ABCC1: variants seen among roughly 807,000 people sequenced by gnomAD.
The protein encoded by ABCC1 is ATP binding cassette subfamily C member 1 (ABCC1 blood group).
Under a neutral mutation model 172.9 loss-of-function variants are expected in ABCC1, and 83 were observed. That is an observed-to-expected ratio of 0.48 (90% confidence interval 0.40 to 0.58). The LOEUF (loss-of-function observed/expected upper bound fraction) is 0.58. ABCC1 is among the 20% of genes least tolerant of loss of function. The probability of loss-of-function intolerance (pLI) is 0.00; values close to 1 mark genes in which losing one functional copy is unlikely to be tolerated. For synonymous variants in ABCC1, 937 were observed against 825.2 expected, an observed-to-expected ratio of 1.14 and a Z score of -2.32; for missense variants, 1,817 against 2,002.7, an observed-to-expected ratio of 0.91 and a Z score of 1.77.
chr16:16,130,190 G>A (rs1369729664), intron 26 of ABCC1, among the ~76,000 whole-genome samples: 2 of 152,200 alleles, frequency 1.3e-5, no homozygotes, highest in Non-Finnish European at 2.9e-5. Flanking sequence ...GTTGCTGTGA[G>A]GATTGGATGA....
intron 5 of ABCC1, among the ~76,000 whole-genome samples, chr16:16,017,082 CCT>C (rs3837751): frequency 0.46 from 70,022 of 151,750 alleles, 17,430 homozygotes; most frequent in Non-Finnish European, 0.57. Context: ...ATGCCTGGCC[CCT>C]GAGGGATTTG....
chr16:16,020,166 C>T (rs986855113), intron 5 of ABCC1, among the ~76,000 whole-genome samples: 3 of 152,186 alleles, frequency 2.0e-5, no homozygotes, highest in African/African-American at 7.2e-5. Flanking sequence ...AAGTGATCCG[C>T]CCACTTTGGC....
intron 1 of ABCC1, among the ~76,000 whole-genome samples, chr16:15,952,415 G>C (rs1211424463): frequency 1.3e-5 from 2 of 151,980 alleles, no homozygotes; most frequent in Non-Finnish European, 2.9e-5. Context: ...GGCCTCGGGT[G>C]ACTCTGTCAG....
intron 14 of ABCC1, among the ~76,000 whole-genome samples, chr16:16,073,596 C>T (rs551690842): frequency 1.3e-5 from 2 of 152,218 alleles, no homozygotes; most frequent in South Asian, 4.1e-4. Flanking sequence ...GACCTCGTCT[C>T]TACAAAAATT....
At chr16:16,076,792 C>T (rs1305880161) in intron 15 of ABCC1, among the ~76,000 whole-genome samples, 4 of 152,212 alleles carry the variant, frequency 2.6e-5, no homozygotes, top group African/African-American at 7.2e-5. Context: ...TTTATCCTCA[C>T]GCATCCTCTC....
intron 26 of ABCC1, among the ~76,000 whole-genome samples, chr16:16,126,349 TG>T: frequency 6.6e-6 from 1 of 152,278 alleles, no homozygotes; most frequent in Middle Eastern, 3.4e-3. Flanking sequence ...GGACGGATTC[TG>T]TCTATCAGAA....
chr16:16,095,969 A>C (rs1430367831), intron 19 of ABCC1, among the ~76,000 whole-genome samples: 1 of 152,170 alleles, frequency 6.6e-6, no homozygotes, highest in African/African-American at 2.4e-5. Flanking sequence ...GCAAACTACA[A>C]AAGAGTACAA....
chr16:16,006,107 A>G (rs141694605), intron 1 of ABCC1, among the ~76,000 whole-genome samples: 3 of 152,338 alleles, frequency 2.0e-5, no homozygotes, highest in African/African-American at 7.2e-5. Flanking sequence ...ACAACAAGCC[A>G]TCTATGGGCC....
chr16:16,033,922 GCTACCT>G (rs2048646519), intron 6 of ABCC1, among the ~76,000 whole-genome samples: 1 of 151,280 alleles, frequency 6.6e-6, no homozygotes, highest in African/African-American at 2.4e-5. Context: ...ACCATGCCCA[GCTACCT>G]TCTGGTCCTC....
chr16:16,044,346 T>C (rs1394014577), intron 7 of ABCC1, 104 bp from the exon 8 acceptor site: 9 of 1,027,202 alleles, frequency 8.8e-6, no homozygotes, highest in African/African-American at 1.6e-5. Flanking sequence ...TTGTTGTCTT[T>C]GACTCTGCCT....
intron 21 of ABCC1, among the ~76,000 whole-genome samples, chr16:16,110,652 G>T (rs751942288): frequency 6.6e-6 from 1 of 151,994 alleles, no homozygotes; most frequent in Non-Finnish European, 1.5e-5. Context: ...GCCTACCGAC[G>T]TGCTGGGATC....
intron 1 of ABCC1, among the ~76,000 whole-genome samples, chr16:15,959,281 A>C (rs1191920977): frequency 6.6e-6 from 1 of 152,132 alleles, no homozygotes; most frequent in Non-Finnish European, 1.5e-5. Flanking sequence ...GAGTTGTGAC[A>C]GTTCATTCTC....
intron 6 of ABCC1, 79 bp downstream of exon 6, chr16:16,033,249 C>T: frequency 2.2e-6 from 3 of 1,372,846 alleles, no homozygotes; most frequent in Non-Finnish European, 2.1e-6. Flanking sequence ...ACATGCTCAG[C>T]TCCCCCTCCC....
chr16:16,078,623 C>T (rs774286588), intron 15 of ABCC1, among the ~76,000 whole-genome samples: 8 of 152,118 alleles, frequency 5.3e-5, no homozygotes, highest in African/African-American at 1.2e-4. Flanking sequence ...CACCTTTCTC[C>T]GGCTCTCCAC....
intron 26 of ABCC1, among the ~76,000 whole-genome samples, 168 bp downstream of exon 26, chr16:16,126,079 G>C (rs1052249458): frequency 1.3e-5 from 2 of 152,146 alleles, no homozygotes; most frequent in Non-Finnish European, 2.9e-5. Context: ...TTAGAGCCCG[G>C]TTTTAGGGTG....
intron 1 of ABCC1, among the ~76,000 whole-genome samples, chr16:15,980,742 A>T (rs1362485191): frequency 6.6e-6 from 1 of 152,208 alleles, no homozygotes; most frequent in African/African-American, 2.4e-5. Context: ...GCCCCTCCCA[A>T]ATCTCATGTC....
intron 1 of ABCC1, among the ~76,000 whole-genome samples, chr16:15,997,572 A>T (rs2047100328): frequency 6.6e-6 from 1 of 152,010 alleles, no homozygotes; most frequent in Non-Finnish European, 1.5e-5. Flanking sequence ...ATTTCCCTAG[A>T]TTAGGAAGCA....
chr16:16,047,212 C>A (rs1185918401), intron 9 of ABCC1, among the ~76,000 whole-genome samples: 1 of 150,638 alleles, frequency 6.6e-6, no homozygotes, highest in Non-Finnish European at 1.5e-5. Context: ...AACAAAAAAA[C>A]TTCCTGACAC....
At chr16:15,988,492 A>G (rs2046790548) in intron 1 of ABCC1, among the ~76,000 whole-genome samples, 1 of 152,164 alleles carries the variant, frequency 6.6e-6, no homozygotes, top group African/African-American at 2.4e-5. Flanking sequence ...ACCCCTCACA[A>G]GACCCTGGAA....
Sources: gnomAD v4.1 joint callset for allele counts (sites outside exome capture counted in the v4.1 genomes callset) on GRCh38, gnomAD v4.1.1 for gene constraint, MANE v1.5 for transcripts, NCBI Gene and HGNC (gene_info 2026-07-23, HGNC 2026-07-21) for gene names.